Variants in ZNF385D observed in about 807,000 individuals in gnomAD.
ZNF385D encodes the protein zinc finger protein 659.
A neutral mutation model predicts 35.8 loss-of-function variants in ZNF385D; 15 were observed. The ratio of observed to expected loss-of-function variants is 0.42; its 90% CI spans 0.28 to 0.64. The LOEUF is 0.64. Among genes scored for constraint, ZNF385D ranks in the 30% least tolerant of loss-of-function variants. The pLI, the probability that ZNF385D is intolerant of heterozygous loss-of-function variation, is 0.23. For synonymous variants in ZNF385D, 212 were observed against 186.8 expected (o/e 1.13, Z -1.10); for missense variants, 474 against 494.6 (o/e 0.96, Z 0.39).
intron 3 of ZNF385D, among the ~76,000 whole-genome samples, chr3:21,968,516 T>TAGGA (rs1559801222): frequency 2.0e-5 from 3 of 151,096 alleles, no homozygotes; most frequent in African/African-American, 7.3e-5. Flanking sequence ...TCCTTCTGTC[T>TAGGA]GAGGAGAGGA....
chr3:21,564,998 A>C (rs991078336), intron 2 of ZNF385D, among the ~76,000 whole-genome samples: 1 of 152,214 alleles, frequency 6.6e-6, no homozygotes, highest in East Asian at 1.9e-4. Flanking sequence ...ATCAAAATTC[A>C]AGTTATTGCT....
chr3:21,937,368 C>G (rs1036218696), intron 3 of ZNF385D, among the ~76,000 whole-genome samples: 3 of 152,142 alleles, frequency 2.0e-5, no homozygotes, highest in Non-Finnish European at 4.4e-5. Context: ...ATGCCAATGA[C>G]TTTTACAGTT....
In ZNF385D at chr3:21,751,026, C is replaced by G; in HGVS notation, c.-110G>C. The G allele has an allele frequency of 1.9e-6, 3 of 1,594,772 alleles. No individual in the cohort carries two copies. Among genetic ancestry groups the G allele is most frequent in the Non-Finnish European group, 2.6e-6 (3 of 1,170,512 alleles). On this transcript the variant is annotated 5_prime_UTR_variant, in exon 1 of 8. Transcript: ENST00000281523. ...CTACATTCGGTGGAAATGTCCCCGG[C>G]GTGGAGAGCAGTGAGCGCCGAGAGC...
At chr3:22,121,328 A>T (rs530162992) in intron 3 of ZNF385D, among the ~76,000 whole-genome samples, 3 of 152,292 alleles carry the variant, frequency 2.0e-5, no homozygotes, top group Non-Finnish European at 2.9e-5. Context: ...ATTTCCTATC[A>T]CACAGGACCT....
intron 4 of ZNF385D, among the ~76,000 whole-genome samples, chr3:21,451,756 T>C (rs1316931686): frequency 1.3e-5 from 2 of 152,122 alleles, no homozygotes; most frequent in Non-Finnish European, 2.9e-5. Context: ...GTTTTTATCC[T>C]CAGTATAGTA....
intron 2 of ZNF385D, among the ~76,000 whole-genome samples, chr3:22,324,370 AT>A (rs978514658): frequency 3.3e-5 from 5 of 152,304 alleles, no homozygotes; most frequent in African/African-American, 1.2e-4. Context: ...CTAGTAAGAT[AT>A]TTCAGCAAGG....
chr3:22,135,185 C>T (rs775307561), intron 3 of ZNF385D, among the ~76,000 whole-genome samples: 10 of 151,944 alleles, frequency 6.6e-5, no homozygotes, highest in Non-Finnish European at 1.5e-4. Flanking sequence ...TGAAAAGAAA[C>T]AAAATCATCC....
intron 2 of ZNF385D, among the ~76,000 whole-genome samples, chr3:21,588,680 A>G (rs1307795237): frequency 6.6e-6 from 1 of 152,162 alleles, no homozygotes; most frequent in Non-Finnish European, 1.5e-5. Context: ...ATGATTTTTC[A>G]TAAGACTTGA....
At chr3:21,597,499 A>G (rs2064159657) in intron 2 of ZNF385D, among the ~76,000 whole-genome samples, 1 of 152,168 alleles carries the variant, frequency 6.6e-6, no homozygotes, top group African/African-American at 2.4e-5. Flanking sequence ...TAAAGGAGAA[A>G]GAGAGAATGA....
At chr3:22,102,037 T>C (rs1002635248) in intron 3 of ZNF385D, among the ~76,000 whole-genome samples, 1 of 151,488 alleles carries the variant, frequency 6.6e-6, no homozygotes, top group African/African-American at 2.4e-5. Context: ...AAAGTTAAAA[T>C]GTGGTTTCTG....
chr3:21,726,061 A>G (rs1290103844), intron 1 of ZNF385D, among the ~76,000 whole-genome samples: 1 of 152,174 alleles, frequency 6.6e-6, no homozygotes, highest in African/African-American at 2.4e-5. Flanking sequence ...ACATAAACAG[A>G]ACCAATGACA....
intron 2 of ZNF385D, among the ~76,000 whole-genome samples, chr3:22,289,878 A>G (rs895967900): frequency 6.6e-6 from 1 of 152,146 alleles, no homozygotes; most frequent in Admixed American, 6.6e-5. Flanking sequence ...CTGGAGGTCT[A>G]TAGTATGTCA....
chr3:22,331,639 G>A (rs1003373560), intron 2 of ZNF385D, among the ~76,000 whole-genome samples: 2 of 152,150 alleles, frequency 1.3e-5, no homozygotes, highest in African/African-American at 2.4e-5. Context: ...GGTACAAGGA[G>A]TAAACTTTGT....
intron 1 of ZNF385D, among the ~76,000 whole-genome samples, chr3:21,675,229 C>T (rs1351296204): frequency 6.6e-6 from 1 of 151,994 alleles, no homozygotes; most frequent in Non-Finnish European, 1.5e-5. Context: ...CACACTAAGT[C>T]CTAGGCTTTT....
intron 2 of ZNF385D, among the ~76,000 whole-genome samples, chr3:21,592,569 A>C (rs928095083): frequency 1.5e-4 from 22 of 151,462 alleles, no homozygotes; most frequent in South Asian, 2.1e-4. Context: ...AAAACAAAAA[A>C]AAAAAACAAT....
At chr3:22,351,094 GT>G (rs1461698431) in intron 2 of ZNF385D, among the ~76,000 whole-genome samples, 1 of 152,058 alleles carries the variant, frequency 6.6e-6, no homozygotes, top group African/African-American at 2.4e-5. Flanking sequence ...ACAGCTGCAT[GT>G]ATATCTACAA....
At chr3:21,876,117 A>C (rs543303268) in intron 3 of ZNF385D, among the ~76,000 whole-genome samples, 1 of 152,146 alleles carries the variant, frequency 6.6e-6, no homozygotes, top group Admixed American at 6.6e-5. Context: ...TTAAGCTGTG[A>C]TATCAGGAAT....
At chr3:21,534,262 T>A (rs2061987414) in intron 3 of ZNF385D, among the ~76,000 whole-genome samples, 1 of 152,078 alleles carries the variant, frequency 6.6e-6, no homozygotes, top group Non-Finnish European at 1.5e-5. Context: ...TCCTTTCTCA[T>A]CTGAACTTGC....
intron 4 of ZNF385D, among the ~76,000 whole-genome samples, chr3:21,442,785 T>A (rs559131089): frequency 2.0e-5 from 3 of 151,234 alleles, no homozygotes; most frequent in Middle Eastern, 3.4e-3. Flanking sequence ...AAGGCCAGAG[T>A]ACAGAGGCTG....
Sources: allele counts gnomAD v4.1 joint callset (sites outside exome capture counted in the v4.1 genomes callset), GRCh38; gene constraint gnomAD v4.1.1; transcripts MANE v1.5; gene names NCBI Gene and HGNC (gene_info 2026-07-23, HGNC 2026-07-21).